LUZP1: variants seen among roughly 807,000 people sequenced by gnomAD.
The protein encoded by LUZP1 is leucine zipper protein 1.
Under a neutral mutation model 71.3 loss-of-function variants are expected in LUZP1, and 25 were observed. The observed-to-expected ratio is 0.35, with a 90% CI of 0.26 to 0.49. The LOEUF is 0.49. Ranked by LOEUF, LUZP1 falls within the 20% of genes least tolerant of loss-of-function variation. The pLI, the probability that LUZP1 is intolerant of heterozygous loss-of-function variation, is 0.99. For synonymous variants in LUZP1, 481 were observed against 506.4 expected, an observed-to-expected ratio of 0.95 and a Z score of 0.67; for missense variants, 1,142 against 1,300.8, an observed-to-expected ratio of 0.88 and a Z score of 1.88.
intron 3 of LUZP1, among the ~76,000 whole-genome samples, chr1:23,102,596 G>A (rs1643940211): frequency 6.6e-6 from 1 of 152,158 alleles, no homozygotes; most frequent in Admixed American, 6.5e-5. Flanking sequence ...ATGTAGTGAT[G>A]AAGCAACCAC....
chr1:23,123,379 C>G (rs1644145528), intron 2 of LUZP1, among the ~76,000 whole-genome samples: 1 of 151,700 alleles, frequency 6.6e-6, no homozygotes, highest in South Asian at 2.1e-4. Flanking sequence ...GTAGTCCCAG[C>G]TACTCAGGAG....
chr1:23,166,193 C>A (rs771503570), intron 2 of LUZP1, among the ~76,000 whole-genome samples: 38 of 152,164 alleles, frequency 2.5e-4, no homozygotes, highest in Admixed American at 8.5e-4. Context: ...GAGTCAAAGG[C>A]CAAAAAACTA....
At chr1:23,115,406 T>C (rs928826790) in intron 2 of LUZP1, among the ~76,000 whole-genome samples, 1 of 152,216 alleles carries the variant, frequency 6.6e-6, no homozygotes, top group Admixed American at 6.5e-5. Context: ...AAGAAGAGTA[T>C]AAACAAGATC....
intron 3 of LUZP1, among the ~76,000 whole-genome samples, chr1:23,097,966 A>G (rs942017195): frequency 3.9e-5 from 6 of 152,254 alleles, no homozygotes; most frequent in African/African-American, 1.4e-4. Flanking sequence ...CAGATGGAGC[A>G]GTCTGAGAAG....
intron 2 of LUZP1, among the ~76,000 whole-genome samples, chr1:23,136,200 C>T (rs1024610154): frequency 2.0e-5 from 3 of 151,358 alleles, no homozygotes; most frequent in Non-Finnish European, 4.4e-5. Context: ...GAATTAATAA[C>T]GACTAATTTT....
At chr1:23,096,541 G>A (rs10917350) in intron 3 of LUZP1, among the ~76,000 whole-genome samples, 9,952 of 152,028 alleles carry the variant, frequency 0.065, 1,033 homozygotes, top group African/African-American at 0.23. Context: ...ATTTAGGATC[G>A]GAAGAATCCT....
chr1:23,133,843 G>A (rs1345853815), intron 2 of LUZP1, among the ~76,000 whole-genome samples: 1 of 151,992 alleles, frequency 6.6e-6, no homozygotes, highest in Non-Finnish European at 1.5e-5. Context: ...TACAACACAA[G>A]GGGAAGTACA....
At chr1:23,125,283 T>C (rs1447855563) in intron 2 of LUZP1, among the ~76,000 whole-genome samples, 1 of 152,130 alleles carries the variant, frequency 6.6e-6, no homozygotes, top group Non-Finnish European at 1.5e-5. Flanking sequence ...CCCACTAAAA[T>C]GATGGCTGCG....
rs1213855726 is a variant in LUZP1, at chr1:23,089,886, G to A, written c.3073-833C>T. Among the ~76,000 whole-genome samples, 2 of 152,032 alleles carry A rather than the reference G, an allele frequency of 1.3e-5. 1 individual carries two copies. The highest frequency in any genetic ancestry group is 2.9e-5 in the Non-Finnish European group (2 of 68,004). On this transcript the variant is annotated intron_variant, in intron 4 of 4. Transcript: ENST00000302291. ...AGTGATTCTCCTGCCTCAGCCTCCT[G>A]AGTAGCTGCGATTACAGGCATGTGC...
exon 2 of LUZP1, chr1:23,168,942 C>G (rs1385012263): frequency 6.6e-6 from 1 of 151,420 alleles, no homozygotes; most frequent in Non-Finnish European, 1.5e-5. Flanking sequence ...GGCCCCGCCC[C>G]CTCCGTCCTT....
intron 3 of LUZP1, among the ~76,000 whole-genome samples, chr1:23,104,940 T>C (rs925262450): frequency 6.6e-6 from 1 of 152,194 alleles, no homozygotes; most frequent in African/African-American, 2.4e-5. Context: ...CTTTTATATA[T>C]AATCTCTTAA....
chr1:23,141,846 A>ATTT (rs58129873), intron 2 of LUZP1, among the ~76,000 whole-genome samples: 423 of 143,084 alleles, frequency 3.0e-3, no homozygotes, highest in Non-Finnish European at 2.5e-3. Context: ...TGCCCAGCTA[A>ATTT]TTTTTTTTTT....
At chr1:23,126,001 C>A (rs1281994366) in intron 2 of LUZP1, among the ~76,000 whole-genome samples, 1 of 152,178 alleles carries the variant, frequency 6.6e-6, no homozygotes, top group African/African-American at 2.4e-5. Context: ...TTAAGTGGAT[C>A]TGTTACAGAG....
chr1:23,138,578 T>C (rs1465003893), intron 2 of LUZP1, among the ~76,000 whole-genome samples: 1 of 151,994 alleles, frequency 6.6e-6, no homozygotes, highest in African/African-American at 2.4e-5. Context: ...ATAATGATGA[T>C]GGTTGCACAA....
intron 2 of LUZP1, among the ~76,000 whole-genome samples, chr1:23,126,202 C>T (rs1430103405): frequency 6.6e-6 from 1 of 152,098 alleles, no homozygotes; most frequent in African/African-American, 2.4e-5. Context: ...GTACCAGACC[C>T]ACTCCCCTCC....
intron 3 of LUZP1, among the ~76,000 whole-genome samples, chr1:23,097,886 T>C (rs917828544): frequency 6.6e-6 from 1 of 152,070 alleles, no homozygotes; most frequent in Non-Finnish European, 1.5e-5. Context: ...GGAATTAAGG[T>C]AGACTCTAAG....
At chr1:23,147,441 CAAA>C (rs536334327) in intron 2 of LUZP1, among the ~76,000 whole-genome samples, 1 of 124,462 alleles carries the variant, frequency 8.0e-6, no homozygotes. Context: ...GACTCTATCT[CAAA>C]AAAAAAAAAA....
intron 2 of LUZP1, among the ~76,000 whole-genome samples, chr1:23,142,351 G>A (rs946870649): frequency 6.6e-6 from 1 of 152,010 alleles, no homozygotes; most frequent in Admixed American, 6.6e-5. Flanking sequence ...ATTTTATTTT[G>A]TGGATACATG....
At chr1:23,176,787 TA>T (rs1268895758) in intron 1 of LUZP1, among the ~76,000 whole-genome samples, 1 of 152,140 alleles carries the variant, frequency 6.6e-6, no homozygotes, top group Non-Finnish European at 1.5e-5. Context: ...TTTGCAGAAA[TA>T]TTCTCAAGAG....
Sources: allele counts gnomAD v4.1 joint callset (sites outside exome capture counted in the v4.1 genomes callset), GRCh38; gene constraint gnomAD v4.1.1; transcripts MANE v1.5; gene names NCBI Gene and HGNC (gene_info 2026-07-23, HGNC 2026-07-21).